The following GTF3C1 variants were observed in gnomAD, a reference collection of about 807,000 sequenced individuals.
GTF3C1 encodes general transcription factor IIIC subunit 1, also known as general transcription factor 3C polypeptide 1.
A neutral mutation model predicts 226.7 loss-of-function variants in GTF3C1; 57 were observed. The ratio of observed to expected loss-of-function variants is 0.25; its 90% CI spans 0.20 to 0.31. GTF3C1 has a LOEUF of 0.31. Among genes scored for constraint, GTF3C1 ranks in the 10% least tolerant of loss-of-function variants. The pLI, the probability that GTF3C1 is intolerant of heterozygous loss-of-function variation, is 1.00. For missense variants in GTF3C1, 2,217 were observed against 2,776.1 expected (o/e 0.80, Z 4.53); for synonymous variants, 1,090 against 1,084.8 (o/e 1.00, Z -0.09).
rs142204504 is a variant in GTF3C1, at chr16:27,537,822, G to A, written c.714C>T (p.His238=). ...VIRLPTGAQQ[H]SILLLLNRFH... ...ACCGGTTCAGTAGGAGGAGGATTGA[G>A]TGTTGCTGGGCTCCAGTGGGTAATC... Residue 238 remains histidine (H), a synonymous_variant, in exon 4 of 37, where the codon CAC becomes CAT. Coordinates refer to ENST00000356183, the MANE Select transcript of GTF3C1 (RefSeq NM_001520.4). 6.8e-6 allele frequency: 11 copies of A among 1,612,130 alleles called. No individual in the cohort carries two copies. In the African/African-American group the frequency reaches 1.3e-4, roughly 20 times the overall value.
rs187564311 is a variant in GTF3C1 at position 27,507,983 on chromosome 16, G to C, written c.1242+557C>G. On this transcript the variant is annotated intron_variant, in intron 8 of 36. Coordinates refer to ENST00000356183, the MANE Select transcript of GTF3C1 (RefSeq NM_001520.4). This position sits in a 1 kb window ranked among gnomAD's most constrained non-coding sequence, Gnocchi z 4.9. ...GCTGACTGTCCCCATGTGGGAGTAG[G>C]CTCCCGGGGTGGCCACATCACCTTC... is the stretch of plus-strand genomic sequence containing the variant. Among the ~76,000 whole-genome samples, 2 of 152,364 alleles carry C rather than the reference G, an allele frequency of 1.3e-5. No individual in the cohort carries two copies. The highest frequency in any genetic ancestry group is 4.1e-4 in the South Asian group (2 of 4,832).
chr16:27,461,517 G>A lies in GTF3C1; in HGVS notation c.6163C>T (p.Pro2055Ser). Residue 2055 changes from proline (P) to serine (S), a missense_variant, in exon 37 of 37, where the codon CCA becomes TCA. By Grantham distance (74) the Pro-to-Ser change is moderately conservative. This residue lies in a region of GTF3C1 where 153 missense variants were observed against 199.8 expected (regional missense o/e 0.77). Transcript: ENST00000356183. This position sits in a 1 kb window ranked among gnomAD's most constrained non-coding sequence, Gnocchi z 5.3. ...GCIRKRWLRK[P>S]RPVSLFSTPV... ...GTAGAGAAGAGCGAGACAGGCCTTG[G>A]CTTTCTCAGCCAGCGCTTCCGGATG... The A allele has an allele frequency of 6.2e-7, 1 of 1,613,936 alleles. No homozygotes were observed. Among genetic ancestry groups the A allele is most frequent in the Non-Finnish European group, 8.5e-7 (1 of 1,179,960 alleles).
chr16:27,518,858 C>T (rs947565630), intron 6 of GTF3C1, among the ~76,000 whole-genome samples: 1 of 152,214 alleles, frequency 6.6e-6, no homozygotes, highest in Admixed American at 6.5e-5. Flanking sequence ...GTAATTCTAA[C>T]AGCATGCCTA....
At chr16:27,482,399 A>C in intron 26 of GTF3C1, 1 of 443,664 alleles carries the variant, frequency 2.3e-6, no homozygotes, top group Non-Finnish European at 4.6e-6. Context: ...ACTTCCATCC[A>C]AAAGCATTGC....
Position 27,495,314 on chromosome 16 carries a change from C to T in GTF3C1, c.2529G>A (p.Pro843=), listed in dbSNP as rs558382846. 55 of 1,613,368 alleles carry T rather than the reference C, an allele frequency of 3.4e-5. No individual in the cohort carries two copies. The highest frequency in any genetic ancestry group is 1.6e-4 in the Middle Eastern group (1 of 6,062). The change falls in exon 15 of 37, where the codon CCG becomes CCA. Residue 843 remains proline, a synonymous_variant. Transcript: ENST00000356183. ...CCTCCCAGGCACTTCCAGAGGAGGACGGCCGGACGCCTGCCCTGCCTGACT... is the reference window on the plus strand; with the variant it reads ...CCTCCCAGGCACTTCCAGAGGAGGATGGCCGGACGCCTGCCCTGCCTGACT... ...KQESGRAGVR[P]SSSGSAWEAC... is the part of the protein sequence containing the mutation.
Position 27,545,442 on chromosome 16 carries a change from A to G in GTF3C1, c.303T>C (p.His101=). 1.9e-6 allele frequency: 3 copies of G among 1,611,816 alleles called. No homozygotes were observed. The highest frequency in any genetic ancestry group is 1.7e-6 in the Non-Finnish European group (2 of 1,177,864). ...TGCCATCCTTATTCTCTAAGATCAT[A>G]TGAATGGGGTAGACATCCTCCAAAG... ...PVALEDVYPI[H]MILENKDGIQ... is the part of the protein sequence containing the mutation. The change falls in exon 2 of 37, where the codon CAT becomes CAC. Residue 101 remains histidine (H), a synonymous_variant. Coordinates refer to ENST00000356183, the MANE Select transcript of GTF3C1 (RefSeq NM_001520.4).
In GTF3C1 at chr16:27,464,717, G is replaced by T. The variant is rs35870192; in HGVS notation, c.5475C>A (p.Ala1825=). The T allele has an allele frequency of 6.3e-7, 1 of 1,595,432 alleles. No homozygotes were observed. The highest frequency in any genetic ancestry group is 1.3e-5 in the African/African-American group (1 of 74,530). The part of the protein sequence containing the change: ...HSVRLKDRED[A]DIQREDPQAR... The stretch of plus-strand genomic sequence containing the variant: ...CCTGGGGGTCTTCTCTCTGGATGTC[G>T]GCGTCTTCTCTGTCTTTCAGCCGCA... Residue 1825 remains alanine, a synonymous_variant, in exon 34 of 37, where the codon GCC becomes GCA. Transcript: ENST00000356183.
rs753605900 is a variant in GTF3C1 at position 27,533,283 on chromosome 16, A to T, written c.849+8T>A. On this transcript the variant is annotated splice_region_variant and intron_variant, in intron 5 of 36. Coordinates refer to ENST00000356183, the MANE Select transcript of GTF3C1 (RefSeq NM_001520.4). ...CCCAGCCCCGCCCGTGGGAAACCCC[A>T]GGCTCACCAGCTCTTCCCTCAGCTT... The T allele has an allele frequency of 5.4e-6, 8 of 1,491,538 alleles. No individual in the cohort carries two copies. In the Admixed American group the frequency reaches 1.2e-4, roughly 22 times the overall value. 92.4% of individuals were successfully genotyped at this position (1,491,538 alleles called of 1,614,324 possible).
Position 27,488,288 on chromosome 16 carries a change from T to C in GTF3C1, c.3639A>G (p.Lys1213=). The change falls in exon 23 of 37, where the codon AAA becomes AAG. Residue 1213 remains lysine (K), a synonymous_variant. Transcript: ENST00000356183. ...TCTTCAGCCGCTTCCGCTTCTGGCT[T>C]TTCCCACCCCTCACTCTCCGGTTTC... is the stretch of plus-strand genomic sequence containing the variant. The part of the protein sequence containing the change: ...LDRNRRVRGG[K]SQKRKRLKKD... 6.2e-7 allele frequency: 1 copy of C among 1,614,202 alleles called. No individual in the cohort carries two copies. The highest frequency in any genetic ancestry group is 1.1e-5 in the South Asian group (1 of 91,086).
intron 10 of GTF3C1, among the ~76,000 whole-genome samples, chr16:27,505,054 A>G (rs913878459): frequency 2.0e-5 from 3 of 152,158 alleles, no homozygotes; most frequent in Non-Finnish European, 4.4e-5. Flanking sequence ...TCCAAAATAC[A>G]GGGGGTGGCA....
Position 27,471,370 on chromosome 16 carries a change from A to G in GTF3C1, c.4526+378T>C, listed in dbSNP as rs559204958. On this transcript the variant is annotated intron_variant, in intron 30 of 36. Coordinates refer to ENST00000356183, the MANE Select transcript of GTF3C1 (RefSeq NM_001520.4). This position sits in a 1 kb window ranked among gnomAD's most constrained non-coding sequence, Gnocchi z 5.0. Reference sequence around the variant, plus strand: ...CCTGCACTGGCTGTTGGTGCTGCGAATGGGCCCAGGAGGCTTCCCAGGTCT... The same window carrying G: ...CCTGCACTGGCTGTTGGTGCTGCGAGTGGGCCCAGGAGGCTTCCCAGGTCT... Among the ~76,000 whole-genome samples the G allele has an allele frequency of 4.6e-5, 7 of 152,316 alleles. No individual in the cohort carries two copies. The highest frequency in any genetic ancestry group is 4.6e-4 in the Admixed American group (7 of 15,302).
At chr16:27,524,002 C>A (rs984903983) in intron 6 of GTF3C1, among the ~76,000 whole-genome samples, 3 of 152,212 alleles carry the variant, frequency 2.0e-5, no homozygotes, top group African/African-American at 7.2e-5. Flanking sequence ...TCATGCTAAT[C>A]TTTCTTCTGG....
At position 27,533,394 on chromosome 16, in the gene GTF3C1, G is replaced by C. The variant is rs1271319017; in HGVS notation, c.753-7C>G. On this transcript the variant is annotated splice_polypyrimidine_tract_variant and splice_region_variant and intron_variant, in intron 4 of 36. Transcript: ENST00000356183. ...GATGTCGTATTTGCTCCTCCTGCAAGAAACACCGAGCAATTCGTTTTTTCA... is the reference window on the plus strand; with the variant it reads ...GATGTCGTATTTGCTCCTCCTGCAACAAACACCGAGCAATTCGTTTTTTCA... 11 of 1,528,064 alleles carry C rather than the reference G, an allele frequency of 7.2e-6. No homozygotes were observed. The highest frequency in any genetic ancestry group is 1.0e-5 in the Non-Finnish European group (11 of 1,101,798). 94.7% of individuals were successfully genotyped at this position (1,528,064 alleles called of 1,614,324 possible).
In GTF3C1 at chr16:27,477,201, C is replaced by T. The variant is rs76175221; in HGVS notation, c.4260-657G>A. 3.3e-3 allele frequency among the ~76,000 whole-genome samples: 507 copies of T among 152,314 alleles called. 2 individuals carry two copies. Among genetic ancestry groups the T allele is most frequent in the African/African-American group, 0.011 (456 of 41,558 alleles). On this transcript the variant is annotated intron_variant, in intron 28 of 36. Coordinates refer to ENST00000356183, the MANE Select transcript of GTF3C1 (RefSeq NM_001520.4). ...GCCACCCTAGAAACAGCAAGACCAA[C>T]CCCTCCTCTTCCTCTGTCCCTTCAG...
At chr16:27,498,480 T>C (rs1273902377) in intron 13 of GTF3C1, 150 bp downstream of exon 13, 5 of 672,736 alleles carry the variant, frequency 7.4e-6, no homozygotes, top group African/African-American at 3.6e-5. Flanking sequence ...TTGGTCCTTA[T>C]TGAGACTAGG....
chr16:27,549,638 C>T, intron 1 of GTF3C1, 32 bp downstream of exon 1: 4 of 903,058 alleles, frequency 4.4e-6, no homozygotes, highest in East Asian at 2.6e-5. Flanking sequence ...TGCGCCCGCC[C>T]GCCCGCCCGC....
At chr16:27,476,311 A>G in intron 29 of GTF3C1, 140 bp downstream of exon 29, 1 of 590,804 alleles carries the variant, frequency 1.7e-6, no homozygotes, top group Non-Finnish European at 3.0e-6. Flanking sequence ...AAAAAAATAA[A>G]GTTGAAAGAC....
chr16:27,486,401 G>A (rs1043178209), intron 23 of GTF3C1, among the ~76,000 whole-genome samples: 2 of 152,126 alleles, frequency 1.3e-5, no homozygotes, highest in African/African-American at 2.4e-5. Flanking sequence ...CAGGTTGGAA[G>A]GCTCAATGCA....
rs1286953852 is a variant in GTF3C1 at position 27,533,479 on chromosome 16, GACTTA to G, written c.753-97_753-93del. The G allele has an allele frequency of 4.8e-5, 34 of 714,646 alleles. No individual in the cohort carries two copies. The African/African-American group carries it at 5.8e-4, about 12-fold the overall frequency. The allele number at this position is 714,646 out of a possible 1,614,324, so 44.3% of individuals were successfully genotyped here. On this transcript the variant is annotated intron_variant, in intron 4 of 36. Coordinates refer to ENST00000356183, the MANE Select transcript of GTF3C1 (RefSeq NM_001520.4). ...TCTTAAAGATGACAAAGCAAGACTT[GACTTA>G]ATCATTTTACAATAAATAACAGAAT...
Sources: allele counts gnomAD v4.1 joint callset (sites outside exome capture counted in the v4.1 genomes callset), GRCh38; gene constraint gnomAD v4.1.1; regional missense constraint gnomAD v4.1.1; non-coding constraint Gnocchi (gnomAD v3.1); transcripts MANE v1.5; gene names NCBI Gene and HGNC (gene_info 2026-07-23, HGNC 2026-07-21).